Variants in C2 observed in about 807,000 individuals in gnomAD.
C2 encodes the protein C3/C5 convertase.
C2 carries 64 observed loss-of-function variants against 85.2 expected under a neutral mutation model. The observed-to-expected ratio is 0.75, with a 90% CI of 0.61 to 0.92. The LOEUF (loss-of-function observed/expected upper bound fraction) is 0.92. Ranked by LOEUF, C2 falls within the 40% of genes least tolerant of loss-of-function variation. The pLI is 0.00. For synonymous variants in C2, 311 were observed against 370.8 expected, an observed-to-expected ratio of 0.84 and a Z score of 1.85; for missense variants, 820 against 971.6, an observed-to-expected ratio of 0.84 and a Z score of 2.07.
At chr6:31,901,539 C>T (rs1368868442) in intron 1 of C2, among the ~76,000 whole-genome samples, 1 of 152,026 alleles carries the variant, frequency 6.6e-6, no homozygotes, top group Non-Finnish European at 1.5e-5. Context: ...TCCACACCCC[C>T]CAGCCCAGCA....
chr6:31,920,562 C>A lies in C2; in HGVS notation c.-100+536C>A, dbSNP rs559824382. The stretch of plus-strand genomic sequence containing the variant: ...TGAGCACCTGAGTTGTGTTTACCAC[C>A]CTCTTACCTGGGTTACCCAGGGCAG... On this transcript the variant is annotated intron_variant, in intron 1 of 3. Coordinates refer to the C2 transcript ENST00000413154. This position sits in a 1 kb window ranked among gnomAD's most constrained non-coding sequence, Gnocchi z 5.6. 3.4e-4 allele frequency among the ~76,000 whole-genome samples: 51 copies of A among 152,068 alleles called. 1 individual carries two copies. Among genetic ancestry groups the A allele is most frequent in the Admixed American group, 5.2e-4 (8 of 15,252 alleles).
At chr6:31,899,745 ACT>A (rs1217318276), upstream of C2, 1 of 650,692 alleles carries the variant, frequency 1.5e-6, no homozygotes, top group African/African-American at 1.8e-5. Flanking sequence ...AGATTCTTGC[ACT>A]CTCAAGAGCA....
intron 5 of C2, 60 bp from the exon 6 acceptor site, chr6:31,934,106 C>T (rs1582090929): frequency 5.0e-6 from 8 of 1,601,418 alleles, no homozygotes; most frequent in Non-Finnish European, 6.8e-6. Context: ...GCTGGACCTG[C>T]TTGGCGAGAG....
At chr6:31,914,285 C>T (rs532635602) in intron 1 of C2, among the ~76,000 whole-genome samples, 24 of 151,944 alleles carry the variant, frequency 1.6e-4, no homozygotes, top group Non-Finnish European at 2.5e-4. Flanking sequence ...TGCCTCAAGA[C>T]TGTCACATAG....
rs577039718 is a variant in C2 at position 31,905,764 on chromosome 6, G to A, written c.73+4625G>A. On this transcript the variant is annotated intron_variant, in intron 1 of 3. Coordinates refer to the C2 transcript ENST00000452202. ...CAGTATTCTCTTTAATAAAATGGAG[G>A]GATTACTCTCTGAAGTATTTTCCAG... is the stretch of plus-strand genomic sequence containing the variant. Among the ~76,000 whole-genome samples, 19 of 152,078 alleles carry A rather than the reference G, an allele frequency of 1.2e-4. 1 individual carries two copies. In the East Asian group the frequency reaches 3.7e-3, roughly 29 times the overall value.
chr6:31,942,683 G>T (rs574628260), intron 9 of C2, among the ~76,000 whole-genome samples: 3 of 152,296 alleles, frequency 2.0e-5, no homozygotes, highest in Non-Finnish European at 4.4e-5. Flanking sequence ...AAGTCTGGGG[G>T]GGAGGAGTGA....
upstream of C2, chr6:31,900,957 C>T: frequency 6.2e-7 from 1 of 1,614,216 alleles, no homozygotes. The surrounding 1 kb of genome is among the most constrained non-coding windows in gnomAD (Gnocchi z 9.7). Context: ...CGGCATTTCT[C>T]CACCACGTGC....
upstream of C2, among the ~76,000 whole-genome samples, chr6:31,899,190 C>G (rs1198839250): frequency 6.6e-6 from 1 of 151,460 alleles, no homozygotes; most frequent in Non-Finnish European, 1.5e-5. Flanking sequence ...CTGTATGTCT[C>G]TACTCCTCTC....
chr6:31,943,111 T>C lies in C2; in HGVS notation c.1360+12T>C. 1 of 1,612,928 alleles carries C rather than the reference T, an allele frequency of 6.2e-7. No homozygotes were observed. Among genetic ancestry groups the C allele is most frequent in the Non-Finnish European group, 8.5e-7 (1 of 1,179,968 alleles). Reference sequence around the variant, plus strand: ...TGAACATATGCTGGGTGAGTGAGCTTTGCCCTCCTTGGTGTGGGGAGGATG... The same window carrying C: ...TGAACATATGCTGGGTGAGTGAGCTCTGCCCTCCTTGGTGTGGGGAGGATG... On this transcript the variant is annotated intron_variant, in intron 10 of 17. Transcript: ENST00000299367. The surrounding 1 kb of genome is among the most constrained non-coding windows in gnomAD (Gnocchi z 6.4).
upstream of C2, among the ~76,000 whole-genome samples, chr6:31,917,311 A>G (rs545537073): frequency 6.6e-6 from 1 of 152,314 alleles, no homozygotes; most frequent in Non-Finnish European, 1.5e-5. Context: ...AAAAAAAAAA[A>G]ATTAAATCAT....
Position 31,922,225 on chromosome 6 carries a change from C to G in C2, c.-100+2199C>G, listed in dbSNP as rs532510747. On this transcript the variant is annotated intron_variant, in intron 1 of 3. Transcript: ENST00000413154. This position sits in a 1 kb window ranked among gnomAD's most constrained non-coding sequence, Gnocchi z 4.8. ...GCAAGGACAGATCCACTAAAACCAC[C>G]AAGAGGCTTGCAGAGCAATGCTGAA... Among the ~76,000 whole-genome samples the G allele has an allele frequency of 6.3e-4, 96 of 152,240 alleles. No homozygotes were observed. Among genetic ancestry groups the G allele is most frequent in the African/African-American group, 2.3e-3 (95 of 41,546 alleles).
chr6:31,939,175 G>A, intron 8 of C2, 56 bp from the exon 9 acceptor site: 1 of 1,244,478 alleles, frequency 8.0e-7, no homozygotes, highest in Non-Finnish European at 1.2e-6. Flanking sequence ...TACTCTTCCA[G>A]GGCCTGGGGA....
At chr6:31,900,926 A>G, upstream of C2, 2 of 1,614,186 alleles carry the variant, frequency 1.2e-6, no homozygotes, top group Non-Finnish European at 1.7e-6. This position sits in a 1 kb window ranked among gnomAD's most constrained non-coding sequence, Gnocchi z 9.7. Flanking sequence ...TTTGGGCTCA[A>G]TGAACTGGCT....
rs1216063807 is a variant in C2, at chr6:31,921,815, C to T, written c.-100+1789C>T. On this transcript the variant is annotated intron_variant, in intron 1 of 3. Transcript: ENST00000413154. This position sits in a 1 kb window ranked among gnomAD's most constrained non-coding sequence, Gnocchi z 4.6. ...CTGCTAATATGAAGTCTTCCTCCCC[C>T]AGAAGCAGACCTGGAGACAAGGGTT... Among the ~76,000 whole-genome samples, 1 of 152,144 alleles carries T rather than the reference C, an allele frequency of 6.6e-6. No individual in the cohort carries two copies. The highest frequency in any genetic ancestry group is 1.5e-5 in the Non-Finnish European group (1 of 68,026).
intron 7 of C2, 85 bp downstream of exon 7, chr6:31,936,146 AAGAG>A: frequency 6.7e-7 from 1 of 1,491,232 alleles, no homozygotes; most frequent in Non-Finnish European, 9.2e-7. Context: ...ATGAGTTAAA[AAGAG>A]AGTGAGGCCT....
upstream of C2, among the ~76,000 whole-genome samples, chr6:31,919,567 A>C (rs1192366820): frequency 6.6e-6 from 1 of 152,158 alleles, no homozygotes; most frequent in Non-Finnish European, 1.5e-5. Flanking sequence ...CCCCAGAGGC[A>C]ACTCTCCTAT....
chr6:31,939,365 G>T (rs537493305), intron 9 of C2, 45 bp downstream of exon 9: 3 of 1,370,658 alleles, frequency 2.2e-6, no homozygotes, highest in South Asian at 2.3e-5. Context: ...CTCCTGCAGA[G>T]GTCATGAGAT....
At chr6:31,911,117 G>T (rs906185972) in intron 1 of C2, among the ~76,000 whole-genome samples, 14 of 152,110 alleles carry the variant, frequency 9.2e-5, no homozygotes, top group Non-Finnish European at 1.5e-5. Context: ...TGAGCAACAA[G>T]GTGAAACCCC....
intron 7 of C2, 24 bp downstream of exon 7, chr6:31,936,085 T>C (rs768119622): frequency 3.7e-6 from 6 of 1,612,048 alleles, no homozygotes; most frequent in Non-Finnish European, 5.1e-6. Flanking sequence ...CACGTGATGG[T>C]GATGAGAGAG....
Sources: allele counts gnomAD v4.1 joint callset (sites outside exome capture counted in the v4.1 genomes callset), GRCh38; gene constraint gnomAD v4.1.1; non-coding constraint Gnocchi (gnomAD v3.1); transcripts MANE v1.5; gene names NCBI Gene and HGNC (gene_info 2026-07-23, HGNC 2026-07-21).